ATP9A: variants seen among roughly 807,000 people sequenced by gnomAD.
ATP9A encodes ATPase phospholipid transporting 9A.
Under a neutral mutation model 144.1 loss-of-function variants are expected in ATP9A, and 52 were observed. That is an observed-to-expected ratio of 0.36 (90% confidence interval 0.29 to 0.45). The LOEUF is 0.45. Ranked by LOEUF, ATP9A falls within the 20% of genes least tolerant of loss-of-function variation. The pLI is 1.00. For missense variants in ATP9A, 947 were observed against 1,392.7 expected (o/e 0.68, Z 5.09); for synonymous variants, 582 against 557.4 (o/e 1.04, Z -0.62).
At chr20:51,695,972 T>G in intron 6 of ATP9A, 121 bp downstream of exon 6, 1 of 879,578 alleles carries the variant, frequency 1.1e-6, no homozygotes, top group Non-Finnish European at 1.8e-6. Flanking sequence ...AAAAGATGCT[T>G]TTGATTTGCC....
chr20:51,644,258 TAC>T (rs1354726700), intron 14 of ATP9A, among the ~76,000 whole-genome samples: 7 of 148,008 alleles, frequency 4.7e-5, no homozygotes, highest in Non-Finnish European at 3.0e-5. Context: ...TTCTAGCTTT[TAC>T]TTCTAGCTTT....
At chr20:51,756,921 T>G (rs1321762552) in intron 1 of ATP9A, among the ~76,000 whole-genome samples, 1 of 152,142 alleles carries the variant, frequency 6.6e-6, no homozygotes, top group Non-Finnish European at 1.5e-5. Flanking sequence ...GTTTTGTTTT[T>G]TTTTTAAAAA....
chr20:51,756,268 T>C (rs889957493), intron 1 of ATP9A, among the ~76,000 whole-genome samples: 1 of 123,914 alleles, frequency 8.1e-6, no homozygotes, highest in Non-Finnish European at 1.8e-5. Flanking sequence ...TTTTCTCTGG[T>C]GTCTCTGTCT....
intron 1 of ATP9A, 134 bp from the exon 2 acceptor site, chr20:51,730,112 C>T (rs2077734146): frequency 5.1e-6 from 5 of 987,926 alleles, no homozygotes; most frequent in Non-Finnish European, 6.8e-6. Flanking sequence ...TTTGAGGCTT[C>T]ATCTTTCAGT....
intron 13 of ATP9A, among the ~76,000 whole-genome samples, chr20:51,665,543 A>AC (rs2077429201): frequency 6.6e-6 from 1 of 151,916 alleles, no homozygotes; most frequent in African/African-American, 2.4e-5. Flanking sequence ...ACATGGTGAA[A>AC]CCCCGTCTCT....
intron 10 of ATP9A, among the ~76,000 whole-genome samples, chr20:51,675,646 G>A (rs2077473777): frequency 6.6e-6 from 1 of 152,192 alleles, no homozygotes; most frequent in Admixed American, 6.5e-5. Flanking sequence ...TTGGGAGGCC[G>A]AGGAGGGAGG....
intron 2 of ATP9A, 77 bp from the exon 3 acceptor site, chr20:51,726,009 A>G (rs1175039348): frequency 2.2e-6 from 2 of 891,206 alleles, no homozygotes; most frequent in Non-Finnish European, 3.7e-6. Flanking sequence ...TGGGAAATGA[A>G]TAACATCTAA....
chr20:51,682,386 G>A (rs1445813044), intron 9 of ATP9A, among the ~76,000 whole-genome samples: 1 of 152,028 alleles, frequency 6.6e-6, no homozygotes, highest in Non-Finnish European at 1.5e-5. Context: ...TCACGTGGCT[G>A]TCTAGTAAGG....
chr20:51,673,563 T>C (rs532468888), intron 11 of ATP9A, among the ~76,000 whole-genome samples: 1 of 152,204 alleles, frequency 6.6e-6, no homozygotes, highest in Admixed American at 6.5e-5. Flanking sequence ...ACAGCCACTA[T>C]CAACCTTGCA....
chr20:51,760,817 G>C (rs548359468), intron 1 of ATP9A, among the ~76,000 whole-genome samples: 4 of 151,424 alleles, frequency 2.6e-5, no homozygotes, highest in Non-Finnish European at 5.9e-5. Flanking sequence ...AAAGTCAAGA[G>C]ATCAAGACCA....
chr20:51,753,487 C>CA (rs112099298), intron 1 of ATP9A, among the ~76,000 whole-genome samples: 2 of 147,152 alleles, frequency 1.4e-5, no homozygotes, highest in African/African-American at 5.3e-5. Context: ...ACAACAACAA[C>CA]AAACCCACGT....
chr20:51,641,630 C>G (rs2077319363), intron 14 of ATP9A, among the ~76,000 whole-genome samples: 2 of 151,272 alleles, frequency 1.3e-5, no homozygotes, highest in Admixed American at 6.6e-5. Context: ...GCCTGGCCAA[C>G]ATAGTGAAAC....
At chr20:51,752,866 G>T (rs1386199607) in intron 1 of ATP9A, among the ~76,000 whole-genome samples, 1 of 152,160 alleles carries the variant, frequency 6.6e-6, no homozygotes, top group Non-Finnish European at 1.5e-5. Context: ...AGTTTGGGAG[G>T]CCAAGGTGGG....
chr20:51,677,053 C>T (rs2077480487), intron 9 of ATP9A, among the ~76,000 whole-genome samples: 1 of 151,598 alleles, frequency 6.6e-6, no homozygotes, highest in Admixed American at 6.6e-5. Flanking sequence ...CCCACTTCAG[C>T]CTCCCGAGTA....
At position 51,679,465 on chromosome 20, in the gene ATP9A, C is replaced by T. The variant is rs116747609; in HGVS notation, c.800-3257G>A. ...CTCTTAGACAGGCACGTGCTCTGAG[C>T]TCACCATGGTCCCCATCCACCACTA... On this transcript the variant is annotated intron_variant, in intron 9 of 27. Transcript: ENST00000338821. 1.1e-3 allele frequency among the ~76,000 whole-genome samples: 173 copies of T among 152,276 alleles called. 1 individual carries two copies. The highest frequency in any genetic ancestry group is 3.9e-3 in the African/African-American group (164 of 41,548).
intron 14 of ATP9A, among the ~76,000 whole-genome samples, chr20:51,644,188 T>C (rs1469850778): frequency 6.7e-6 from 1 of 150,220 alleles, no homozygotes; most frequent in Admixed American, 6.6e-5. Context: ...TCTGTCTATG[T>C]AAAAAAGCTT....
intron 25 of ATP9A, 152 bp from the exon 26 acceptor site, chr20:51,607,736 G>T: frequency 3.3e-6 from 2 of 614,564 alleles, no homozygotes; most frequent in Admixed American, 2.8e-5. Context: ...ACACATTGGA[G>T]GAATTATTTC....
chr20:51,748,326 G>A (rs2077816874), intron 1 of ATP9A, among the ~76,000 whole-genome samples: 1 of 152,078 alleles, frequency 6.6e-6, no homozygotes, highest in Admixed American at 6.6e-5. Context: ...AAAGAAGGAG[G>A]TGGAGAAGGA....
chr20:51,727,914 G>A (rs980205070), intron 2 of ATP9A, among the ~76,000 whole-genome samples: 3 of 130,140 alleles, frequency 2.3e-5, no homozygotes, highest in Non-Finnish European at 3.2e-5. Context: ...CTGGGCAACA[G>A]AGGGAGACTC....
Sources: allele counts gnomAD v4.1 joint callset (sites outside exome capture counted in the v4.1 genomes callset), GRCh38; gene constraint gnomAD v4.1.1; transcripts MANE v1.5; gene names NCBI Gene and HGNC (gene_info 2026-07-23, HGNC 2026-07-21).